CAMKMT: variants seen among roughly 807,000 people sequenced by gnomAD.
CAMKMT encodes calmodulin-lysine N-methyltransferase.
Under a neutral mutation model 48.0 loss-of-function variants are expected in CAMKMT, and 53 were observed. That is an observed-to-expected ratio of 1.10 (90% CI 0.89 to 1.39). The LOEUF (loss-of-function observed/expected upper bound fraction) is 1.39, where lower values mean the gene tolerates loss of function less well. Ranked by LOEUF, CAMKMT falls within the 40% of genes most tolerant of loss-of-function variation. The pLI is 0.00. For missense variants in CAMKMT, 428 were observed against 402.7 expected, an observed-to-expected ratio of 1.06 and a Z score of -0.54; for synonymous variants, 165 against 152.3, an observed-to-expected ratio of 1.08 and a Z score of -0.61.
intron 3 of CAMKMT, among the ~76,000 whole-genome samples, chr2:44,521,705 G>A (rs1671121961): frequency 6.6e-6 from 1 of 152,188 alleles, no homozygotes; most frequent in South Asian, 2.1e-4. Context: ...CAGATCCCAT[G>A]CTCTCAGCCT....
At chr2:44,748,732 A>G (rs1680024421) in intron 8 of CAMKMT, among the ~76,000 whole-genome samples, 1 of 151,908 alleles carries the variant, frequency 6.6e-6, no homozygotes, top group Admixed American at 6.6e-5. Context: ...AAAAAATTAG[A>G]TGGGCATGGT....
chr2:44,388,652 G>A (rs556111391), intron 2 of CAMKMT, among the ~76,000 whole-genome samples: 4 of 152,276 alleles, frequency 2.6e-5, no homozygotes, highest in East Asian at 1.9e-4. Context: ...CAGAGGGAAG[G>A]TCTAGGGCTG....
chr2:44,389,391 G>A (rs1390155106), intron 2 of CAMKMT, among the ~76,000 whole-genome samples: 7 of 152,186 alleles, frequency 4.6e-5, no homozygotes, highest in African/African-American at 1.4e-4. Context: ...ACTTCAGTCC[G>A]TAATTCTATA....
intron 3 of CAMKMT, among the ~76,000 whole-genome samples, chr2:44,684,973 AG>A (rs11302271): frequency 0.17 from 25,414 of 152,096 alleles, 2,718 homozygotes; most frequent in East Asian, 0.55. Context: ...GCAAAAGAAG[AG>A]GGATTCATTT....
At chr2:44,503,868 T>A (rs1670123858) in intron 3 of CAMKMT, among the ~76,000 whole-genome samples, 1 of 152,126 alleles carries the variant, frequency 6.6e-6, no homozygotes, top group Admixed American at 6.6e-5. Flanking sequence ...GTTCGTCTCC[T>A]GGCTTGTCCT....
Position 44,439,738 on chromosome 2 carries a change from T to G in CAMKMT, c.376+49433T>G, listed in dbSNP as rs534189724. Among the ~76,000 whole-genome samples the G allele has an allele frequency of 2.7e-3, 413 of 151,804 alleles. 1 individual carries two copies. The highest frequency in any genetic ancestry group is 9.5e-3 in the African/African-American group (393 of 41,374). On this transcript the variant is annotated intron_variant, in intron 3 of 10. Coordinates refer to ENST00000378494, the MANE Select transcript of CAMKMT (RefSeq NM_024766.5). ...CTGTAGTCCCAGCTACTCGGGAGGC[T>G]GAGGTAGGAGAATGGCATGAACCCG...
At chr2:44,720,051 C>T (rs1043210030) in intron 7 of CAMKMT, among the ~76,000 whole-genome samples, 2 of 152,182 alleles carry the variant, frequency 1.3e-5, no homozygotes, top group African/African-American at 4.8e-5. Context: ...TAACATAACA[C>T]TGTTGATTTG....
intron 3 of CAMKMT, among the ~76,000 whole-genome samples, chr2:44,483,432 C>T (rs1179586441): frequency 6.6e-6 from 1 of 152,066 alleles, no homozygotes; most frequent in African/African-American, 2.4e-5. Context: ...AAGATGTTAT[C>T]TAGTTAATGC....
chr2:44,675,236 G>C (rs1675614490), intron 3 of CAMKMT, among the ~76,000 whole-genome samples: 1 of 152,090 alleles, frequency 6.6e-6, no homozygotes, highest in Non-Finnish European at 1.5e-5. Context: ...ATGGCTGATT[G>C]CTTTTTATTC....
At chr2:44,370,122 G>A (rs1679005622) in intron 1 of CAMKMT, 1 of 152,218 alleles carries the variant, frequency 6.6e-6, no homozygotes, top group Non-Finnish European at 1.5e-5. Flanking sequence ...CCTTGGGTTT[G>A]ACTCTTGTGA....
intron 3 of CAMKMT, among the ~76,000 whole-genome samples, chr2:44,600,671 C>G (rs867460769): frequency 2.6e-5 from 4 of 152,120 alleles, no homozygotes; most frequent in Non-Finnish European, 5.9e-5. Context: ...TATACAGATA[C>G]AGACACACAC....
chr2:44,581,954 G>A (rs1189147766), intron 3 of CAMKMT, among the ~76,000 whole-genome samples: 2 of 152,192 alleles, frequency 1.3e-5, no homozygotes, highest in African/African-American at 4.8e-5. Context: ...AGCCAAGATC[G>A]TGCCGCTGCA....
chr2:44,728,216 G>A (rs1228641320), intron 7 of CAMKMT, among the ~76,000 whole-genome samples: 1 of 152,108 alleles, frequency 6.6e-6, no homozygotes, highest in Non-Finnish European at 1.5e-5. Context: ...GTGATCCAGT[G>A]CACCTGGCTG....
intron 3 of CAMKMT, among the ~76,000 whole-genome samples, chr2:44,589,781 C>G (rs1303095583): frequency 3.7e-5 from 3 of 81,226 alleles, no homozygotes; most frequent in Non-Finnish European, 5.3e-5. Context: ...CCTAGGAAAA[C>G]CAGAGACCTT....
intron 3 of CAMKMT, among the ~76,000 whole-genome samples, chr2:44,471,903 A>G (rs1359583763): frequency 6.6e-6 from 1 of 151,992 alleles, no homozygotes; most frequent in Admixed American, 6.5e-5. Context: ...CTGGTCTCAA[A>G]CTACTGACCT....
At chr2:44,391,339 G>A (rs759338223) in intron 3 of CAMKMT, among the ~76,000 whole-genome samples, 2 of 151,888 alleles carry the variant, frequency 1.3e-5, no homozygotes, top group African/African-American at 2.4e-5. Context: ...TCTTTTTTAT[G>A]GATAGTGACT....
At chr2:44,710,325 A>T (rs1677811029) in intron 6 of CAMKMT, among the ~76,000 whole-genome samples, 1 of 152,130 alleles carries the variant, frequency 6.6e-6, no homozygotes, top group African/African-American at 2.4e-5. Flanking sequence ...CTAGATGTTG[A>T]TCTGAGATTT....
chr2:44,592,822 T>C (rs200753433), intron 3 of CAMKMT, among the ~76,000 whole-genome samples: 4 of 23,304 alleles, frequency 1.7e-4, no homozygotes, highest in South Asian at 1.4e-3. Flanking sequence ...TTAAGTGTAT[T>C]GTTTTGTGGC....
rs187193331 is a variant in CAMKMT, at chr2:44,455,026, A to G, written c.376+64721A>G. On this transcript the variant is annotated intron_variant, in intron 3 of 10. Coordinates refer to ENST00000378494, the MANE Select transcript of CAMKMT (RefSeq NM_024766.5). ...AGGACGTTGTATGAGGCAGAAGGGC[A>G]TCATCACATTAGCCCTGCTTCTCTA... 1.5e-3 allele frequency among the ~76,000 whole-genome samples: 225 copies of G among 152,280 alleles called. 1 individual carries two copies. The highest frequency in any genetic ancestry group is 5.2e-3 in the African/African-American group (216 of 41,574).
Sources: gnomAD v4.1 joint callset for allele counts (sites outside exome capture counted in the v4.1 genomes callset) on GRCh38, gnomAD v4.1.1 for gene constraint, MANE v1.5 for transcripts, NCBI Gene and HGNC (gene_info 2026-07-23, HGNC 2026-07-21) for gene names.